The following CIMAP3 variants were observed in gnomAD, a reference collection of about 807,000 sequenced individuals.
The protein encoded by CIMAP3 is ciliary microtubule associated protein 3.
the CIMAP3 span, among the ~76,000 whole-genome samples, chr1:111,336,090 G>A: frequency 6.6e-6 from 1 of 152,226 alleles, no homozygotes; most frequent in Non-Finnish European, 1.5e-5. Context: ...TAGGCAAACA[G>A]GGTCTGGAGT....
At chr1:111,351,868 A>G in the CIMAP3 span, 1 of 152,384 alleles carries the variant, frequency 6.6e-6, no homozygotes, top group Non-Finnish European at 1.5e-5. Context: ...CCCCTTTCCT[A>G]TGACATCATC....
chr1:111,342,485 T>A, the CIMAP3 span, among the ~76,000 whole-genome samples: 3 of 152,176 alleles, frequency 2.0e-5, no homozygotes, highest in Non-Finnish European at 2.9e-5. Context: ...AAATTCTTAG[T>A]GTGAGAAGGC....
At chr1:111,343,709 G>T in the CIMAP3 span, among the ~76,000 whole-genome samples, 1 of 152,216 alleles carries the variant, frequency 6.6e-6, no homozygotes, top group African/African-American at 2.4e-5. Flanking sequence ...ACTATACGAT[G>T]TTCGGTCTGG....
the CIMAP3 span, among the ~76,000 whole-genome samples, chr1:111,335,399 T>C: frequency 1.3e-5 from 2 of 152,100 alleles, no homozygotes; most frequent in Non-Finnish European, 2.9e-5. Context: ...GGGCAAGGCA[T>C]TGCCTCACTC....
chr1:111,328,374 C>T, the CIMAP3 span, among the ~76,000 whole-genome samples: 1 of 152,072 alleles, frequency 6.6e-6, no homozygotes, highest in East Asian at 1.9e-4. Flanking sequence ...CCATTGGGTC[C>T]AATGTTGAGT....
At chr1:111,331,466 T>G in the CIMAP3 span, among the ~76,000 whole-genome samples, 1 of 152,214 alleles carries the variant, frequency 6.6e-6, no homozygotes, top group Non-Finnish European at 1.5e-5. Flanking sequence ...TTTCTTCTAC[T>G]TAGTCCAGTC....
At chr1:111,338,199 G>T in the CIMAP3 span, among the ~76,000 whole-genome samples, 1 of 151,918 alleles carries the variant, frequency 6.6e-6, no homozygotes, top group African/African-American at 2.4e-5. Context: ...TCAAAGCAGT[G>T]TGTAGAGGGA....
chr1:111,346,755 GT>G, the CIMAP3 span: 19 of 1,559,032 alleles, frequency 1.2e-5, no homozygotes, highest in East Asian at 4.3e-4. Context: ...GTGGGAGGAA[GT>G]GCAGTTCGCC....
chr1:111,342,969 T>G, the CIMAP3 span, among the ~76,000 whole-genome samples: 1 of 152,174 alleles, frequency 6.6e-6, no homozygotes, highest in East Asian at 1.9e-4. Context: ...GCTGTATATC[T>G]GGTTTTGGTT....
chr1:111,337,671 T>A, the CIMAP3 span, among the ~76,000 whole-genome samples: 1 of 152,142 alleles, frequency 6.6e-6, no homozygotes, highest in African/African-American at 2.4e-5. Context: ...ATGCACCCAA[T>A]ACAGGAGCAC....
At chr1:111,339,060 C>A in the CIMAP3 span, among the ~76,000 whole-genome samples, 1 of 152,176 alleles carries the variant, frequency 6.6e-6, no homozygotes, top group African/African-American at 2.4e-5. Context: ...ATACTCAAAT[C>A]AATAAATGTA....
the CIMAP3 span, chr1:111,347,618 C>CTTTT: frequency 1.2e-3 from 1,076 of 928,164 alleles, 13 homozygotes; most frequent in African/African-American, 2.9e-3. Flanking sequence ...GTTGTTTTTT[C>CTTTT]TTTCTTTTTT....
the CIMAP3 span, chr1:111,348,530 T>C: frequency 2.9e-5 from 47 of 1,606,580 alleles, no homozygotes; most frequent in African/African-American, 4.3e-4. Context: ...TGACACCTCA[T>C]GCAGGCAGGT....
the CIMAP3 span, chr1:111,348,543 C>G: frequency 6.2e-7 from 1 of 1,607,608 alleles, no homozygotes; most frequent in Admixed American, 1.7e-5. Context: ...AGGCAGGTAC[C>G]AGAAAGTAAG....
At chr1:111,345,225 A>C in the CIMAP3 span, among the ~76,000 whole-genome samples, 4 of 152,226 alleles carry the variant, frequency 2.6e-5, no homozygotes, top group African/African-American at 9.6e-5. Context: ...TATTATTGCA[A>C]TTGTATTTTA....
chr1:111,341,092 T>C, the CIMAP3 span, among the ~76,000 whole-genome samples: 3 of 149,960 alleles, frequency 2.0e-5, no homozygotes, highest in African/African-American at 7.4e-5. Context: ...TCATTCTCAG[T>C]AAACTATCAC....
At chr1:111,324,763 G>C in the CIMAP3 span, 3 of 985,356 alleles carry the variant, frequency 3.0e-6, no homozygotes, top group Non-Finnish European at 3.6e-6. Flanking sequence ...TTCCCCTGAG[G>C]ACCTGTTCTT....
At chr1:111,348,466 A>G in the CIMAP3 span, 5 of 1,503,154 alleles carry the variant, frequency 3.3e-6, no homozygotes, top group African/African-American at 1.4e-5. Context: ...CTTTATGTGT[A>G]TATATATACA....
At chr1:111,338,465 A>T in the CIMAP3 span, among the ~76,000 whole-genome samples, 168 of 123,822 alleles carry the variant, frequency 1.4e-3, 1 homozygote, top group African/African-American at 4.7e-3. Context: ...AATAATAAAG[A>T]AAAAAAGAGA....
Sources: allele counts gnomAD v4.1 joint callset (sites outside exome capture counted in the v4.1 genomes callset), GRCh38; gene constraint gnomAD v4.1.1; transcripts MANE v1.5; gene names NCBI Gene and HGNC (gene_info 2026-07-23, HGNC 2026-07-21).